Variants in IMMP2L observed in about 807,000 individuals in gnomAD.
IMMP2L encodes the protein inner mitochondrial membrane peptidase subunit 2.
A neutral mutation model predicts 19.3 loss-of-function variants in IMMP2L; 18 were observed. That is an observed-to-expected ratio of 0.93 (90% CI 0.64 to 1.38). The LOEUF (loss-of-function observed/expected upper bound fraction) is 1.38. Among genes scored for constraint, IMMP2L ranks in the 40% most tolerant of loss-of-function variants. IMMP2L has a pLI of 0.00. For synonymous variants in IMMP2L, 76 were observed against 73.0 expected, an observed-to-expected ratio of 1.04 and a Z score of -0.21; for missense variants, 233 against 218.2, an observed-to-expected ratio of 1.07 and a Z score of -0.43.
At chr7:111,209,673 G>T (rs945703511) in intron 3 of IMMP2L, among the ~76,000 whole-genome samples, 3 of 152,076 alleles carry the variant, frequency 2.0e-5, no homozygotes, top group African/African-American at 7.2e-5. Context: ...AAACATAATT[G>T]TGTTAAATAA....
chr7:111,242,284 G>C (rs2129629973), intron 3 of IMMP2L, among the ~76,000 whole-genome samples: 1 of 152,148 alleles, frequency 6.6e-6, no homozygotes, highest in Non-Finnish European at 1.5e-5. Context: ...TAAAGCAGAA[G>C]TATATCAGCT....
intron 4 of IMMP2L, among the ~76,000 whole-genome samples, chr7:110,955,550 T>C (rs1818277696): frequency 6.6e-6 from 1 of 151,890 alleles, no homozygotes; most frequent in Non-Finnish European, 1.5e-5. Flanking sequence ...AATACTATTT[T>C]AATTTGGGAA....
intron 3 of IMMP2L, among the ~76,000 whole-genome samples, chr7:111,459,957 G>T (rs1030558832): frequency 1.3e-5 from 2 of 152,102 alleles, no homozygotes; most frequent in African/African-American, 2.4e-5. Flanking sequence ...CAGAGAATTT[G>T]AATAAAGTTA....
chr7:111,093,429 G>C (rs1283556950), intron 3 of IMMP2L, among the ~76,000 whole-genome samples: 1 of 152,166 alleles, frequency 6.6e-6, no homozygotes, highest in Non-Finnish European at 1.5e-5. Flanking sequence ...GAAAAGACTT[G>C]AAGTAGATAC....
intron 3 of IMMP2L, among the ~76,000 whole-genome samples, chr7:111,354,672 A>T (rs1166256812): frequency 6.6e-6 from 1 of 151,846 alleles, no homozygotes; most frequent in African/African-American, 2.4e-5. Context: ...ATAAATAAGA[A>T]TATTTTGAAA....
chr7:111,412,954 C>T (rs73424093), intron 3 of IMMP2L, among the ~76,000 whole-genome samples: 3,571 of 151,546 alleles, frequency 0.024, 210 homozygotes, highest in African/African-American at 0.082. Flanking sequence ...AAACCCAAAG[C>T]TGCTTTTTGG....
intron 3 of IMMP2L, among the ~76,000 whole-genome samples, chr7:111,025,984 C>T (rs1208142544): frequency 1.3e-5 from 2 of 151,782 alleles, no homozygotes; most frequent in Non-Finnish European, 2.9e-5. Context: ...ATGTTCTTCT[C>T]TATCTGATAG....
At chr7:111,443,470 C>T (rs1461436775) in intron 3 of IMMP2L, among the ~76,000 whole-genome samples, 1 of 152,090 alleles carries the variant, frequency 6.6e-6, no homozygotes, top group Non-Finnish European at 1.5e-5. Context: ...TTCCAGAATG[C>T]CTAGTAAGCT....
chr7:111,017,727 C>T (rs1047640117), intron 3 of IMMP2L, among the ~76,000 whole-genome samples: 5 of 152,074 alleles, frequency 3.3e-5, no homozygotes, highest in African/African-American at 9.7e-5. Context: ...CCCTAAGAAA[C>T]CCAGCTAAGG....
At chr7:111,073,543 T>C (rs1252421568) in intron 3 of IMMP2L, among the ~76,000 whole-genome samples, 1 of 152,168 alleles carries the variant, frequency 6.6e-6, no homozygotes, top group Non-Finnish European at 1.5e-5. Context: ...TCCTGGCCAT[T>C]TTCCTCTTAG....
intron 5 of IMMP2L, among the ~76,000 whole-genome samples, chr7:110,666,676 A>G (rs1391127463): frequency 6.6e-6 from 1 of 151,980 alleles, no homozygotes; most frequent in African/African-American, 2.4e-5. Flanking sequence ...CCAATACCAA[A>G]AAGTTCTCCC....
chr7:110,762,265 A>C (rs1194438137), intron 5 of IMMP2L, among the ~76,000 whole-genome samples: 1 of 151,970 alleles, frequency 6.6e-6, no homozygotes, highest in Non-Finnish European at 1.5e-5. Context: ...CCCCATCGGC[A>C]AGGTGCTTCA....
At chr7:110,958,877 A>G (rs1308642708) in intron 4 of IMMP2L, among the ~76,000 whole-genome samples, 1 of 152,048 alleles carries the variant, frequency 6.6e-6, no homozygotes, top group Non-Finnish European at 1.5e-5. Flanking sequence ...GGCAAAAGCA[A>G]TGTGCAAAAG....
intron 3 of IMMP2L, among the ~76,000 whole-genome samples, chr7:111,114,159 C>CACACAT (rs1799565291): frequency 6.6e-6 from 1 of 152,094 alleles, no homozygotes; most frequent in African/African-American, 2.4e-5. Context: ...CACACACACA[C>CACACAT]ACATTTTTGC....
chr7:111,209,189 A>C (rs1431060996), intron 3 of IMMP2L, among the ~76,000 whole-genome samples: 2 of 152,174 alleles, frequency 1.3e-5, no homozygotes, highest in Non-Finnish European at 2.9e-5. Flanking sequence ...CGAGGTCAGC[A>C]GATCAAGATC....
intron 5 of IMMP2L, among the ~76,000 whole-genome samples, chr7:110,745,177 T>A (rs1281525311): frequency 6.6e-6 from 1 of 151,844 alleles, no homozygotes; most frequent in African/African-American, 2.4e-5. Context: ...CTCAATGAAA[T>A]AAAGCAAGCA....
intron 3 of IMMP2L, among the ~76,000 whole-genome samples, chr7:111,402,999 C>CG (rs934470728): frequency 1.9e-5 from 2 of 102,762 alleles, no homozygotes; most frequent in Non-Finnish European, 4.0e-5. Flanking sequence ...TGACCCCCCC[C>CG]CCCCACCCCG....
intron 3 of IMMP2L, among the ~76,000 whole-genome samples, chr7:111,130,233 A>C (rs1458843217): frequency 6.6e-6 from 1 of 152,172 alleles, no homozygotes; most frequent in African/African-American, 2.4e-5. Flanking sequence ...TCTTAGGAGC[A>C]AACTGAAGAA....
chr7:111,003,719 C>T (rs1446588351), intron 3 of IMMP2L, among the ~76,000 whole-genome samples: 2 of 151,902 alleles, frequency 1.3e-5, no homozygotes, highest in Non-Finnish European at 2.9e-5. Context: ...ACTATGCTGC[C>T]CAGGCTGCTC....
Sources: allele counts gnomAD v4.1 joint callset (sites outside exome capture counted in the v4.1 genomes callset), GRCh38; gene constraint gnomAD v4.1.1; transcripts MANE v1.5; gene names NCBI Gene and HGNC (gene_info 2026-07-23, HGNC 2026-07-21).